ZBED1: variants seen among roughly 807,000 people sequenced by gnomAD.
The protein encoded by ZBED1 is zinc finger BED-type containing 1, also known as E3 SUMO-protein ligase ZBED1.
ZBED1 carries 19 observed loss-of-function variants against 49.7 expected under a neutral mutation model. That is an observed-to-expected ratio of 0.38 (90% confidence interval 0.27 to 0.56). The LOEUF is 0.56. Ranked by LOEUF, ZBED1 falls within the 20% of genes least tolerant of loss-of-function variation. ZBED1 has a pLI of 0.70. For missense variants in ZBED1, 806 were observed against 972.6 expected (o/e 0.83, Z 2.28); for synonymous variants, 439 against 440.3 (o/e 1.00, Z 0.04).
intron 1 of ZBED1, chrX:2,500,574 C>G (rs1394352220): frequency 5.5e-6 from 1 of 180,200 alleles, no homozygotes; most frequent in African/African-American, 2.4e-5. Flanking sequence ...AAGGGTCGGG[C>G]CGGGTCGGGC....
intron 1 of ZBED1, among the ~76,000 whole-genome samples, chrX:2,497,992 GACCCTCTT>G (rs1379266498): frequency 6.6e-6 from 1 of 152,168 alleles, no homozygotes; most frequent in East Asian, 1.9e-4. Flanking sequence ...CACAGAGACA[GACCCTCTT>G]ATGGGAATTC....
rs186131041 is a variant in ZBED1 at position 2,498,071 on chromosome X, T to G, written c.-54+2746A>C. On this transcript the variant is annotated intron_variant, in intron 1 of 1. Coordinates refer to ENST00000652001, the MANE Select transcript of ZBED1 (RefSeq NM_001171136.2). Reference sequence around the variant, plus strand: ...ACCAACATCTATGATTAATTTGTAATTATCTTGTTTTTCCATGATGAACTG... The same window carrying G: ...ACCAACATCTATGATTAATTTGTAAGTATCTTGTTTTTCCATGATGAACTG... 3.9e-5 allele frequency among the ~76,000 whole-genome samples: 6 copies of G among 152,282 alleles called. No individual in the cohort carries two copies. The East Asian group carries it at 1.2e-3, about 29-fold the overall frequency.
chrX:2,489,382 C>T lies in ZBED1; in HGVS notation c.1338G>A (p.Met446Ile). 6.2e-7 allele frequency: 1 copy of T among 1,613,970 alleles called. No individual in the cohort carries two copies. ...GCTCCTTGGCGATGACCTCCTTGGCCATGCTGAGCTCCTTGGAGTCGGTCT... is the reference window on the plus strand; with the variant it reads ...GCTCCTTGGCGATGACCTCCTTGGCTATGCTGAGCTCCTTGGAGTCGGTCT... Reference protein sequence around the residue: ...IKETDSKELSMAKEVIAKELS... With the variant: ...IKETDSKELSIAKEVIAKELS... The change falls in exon 2 of 2, where the codon ATG (methionine) becomes ATA (isoleucine). Residue 446 changes from methionine to isoleucine, a missense_variant. Around this residue, in one of 2 missense-constraint regions of ZBED1, gnomAD observed 749 missense variants for 861.3 expected, o/e 0.87. Transcript: ENST00000652001.
chrX:2,489,624 CCTT>C lies in ZBED1; in HGVS notation c.1093_1095del (p.Lys365del). 4 of 1,612,646 alleles carry C rather than the reference CCTT, an allele frequency of 2.5e-6. No homozygotes were observed. Among genetic ancestry groups the C allele is most frequent in the South Asian group, 1.1e-5 (1 of 90,986 alleles). On this transcript the variant is annotated inframe_deletion, in exon 2 of 2. Coordinates refer to ENST00000652001, the MANE Select transcript of ZBED1 (RefSeq NM_001171136.2). The stretch of plus-strand genomic sequence containing the variant: ...ACCCCGGCGATGACGAACTGCTGCT[CCTT>C]GAGGCGCTGCAGCATGGCCAGCGTG...
At position 2,490,468 on chromosome X, in the gene ZBED1, C is replaced by T; in HGVS notation, c.252G>A (p.Glu84=). 6.2e-7 allele frequency: 1 copy of T among 1,613,988 alleles called. No individual in the cohort carries two copies. Among genetic ancestry groups the T allele is most frequent in the Non-Finnish European group, 8.5e-7 (1 of 1,179,882 alleles). The part of the protein sequence containing the change: ...EFCEFVKSNT[E]QMREAFATAF... ...CGGTGGCGAAGGCTTCACGCATCTG[C>T]TCCGTGTTGCTCTTGACGAACTCGC... Residue 84 remains glutamate (E), a synonymous_variant, in exon 2 of 2, where the codon GAG becomes GAA. Transcript: ENST00000652001.
In ZBED1 at chrX:2,487,255, T is replaced by C. The variant is rs1463400692; in HGVS notation, c.*1380A>G. On this transcript the variant is annotated 3_prime_UTR_variant, in exon 2 of 2. Transcript: ENST00000652001. ...TTTAAAAGAGAAGAATCAAGAGTCC[T>C]TTCCGGTAATCAAATCAAAAACACC... is the stretch of plus-strand genomic sequence containing the variant. 6.6e-6 allele frequency: 1 copy of C among 152,242 alleles called. No homozygotes were observed. Among genetic ancestry groups the C allele is most frequent in the Non-Finnish European group, 1.5e-5 (1 of 68,042 alleles). 9.4% of individuals were successfully genotyped at this position (152,242 alleles called of 1,614,324 possible).
intron 1 of ZBED1, among the ~76,000 whole-genome samples, chrX:2,492,597 C>G (rs183077022): frequency 4.6e-5 from 7 of 151,400 alleles, no homozygotes; most frequent in African/African-American, 9.7e-5. Flanking sequence ...TTTGAGTGAG[C>G]CCTAAATGCA....
chrX:2,500,737 A>T, intron 1 of ZBED1, 80 bp downstream of exon 1: 1 of 551,758 alleles, frequency 1.8e-6, no homozygotes, highest in Non-Finnish European at 2.3e-6. Flanking sequence ...GGTCACGCGG[A>T]GCCCCCGCGC....
chrX:2,500,831 C>T lies in ZBED1; in HGVS notation c.-68G>A. ...GCCCCGCTGACCTGGCTCCAGGAAGCCCCCGCGGCAGCGCCGCAGCAGCTG... is the reference window on the plus strand; with the variant it reads ...GCCCCGCTGACCTGGCTCCAGGAAGTCCCCGCGGCAGCGCCGCAGCAGCTG... On this transcript the variant is annotated 5_prime_UTR_variant, in exon 1 of 2. Coordinates refer to ENST00000652001, the MANE Select transcript of ZBED1 (RefSeq NM_001171136.2). The T allele has an allele frequency of 8.8e-7, 1 of 1,139,508 alleles. No homozygotes were observed. The highest frequency in any genetic ancestry group is 1.1e-6 in the Non-Finnish European group (1 of 926,750). 70.6% of individuals were successfully genotyped at this position (1,139,508 alleles called of 1,614,324 possible).
rs775074298 is a variant in ZBED1 at position 2,489,977 on chromosome X, G to A, written c.743C>T (p.Thr248Met). The change falls in exon 2 of 2, where the codon ACG becomes ATG. Residue 248 changes from threonine (T) to methionine (M), a missense_variant. This residue lies in a region of ZBED1 where 749 missense variants were observed against 861.3 expected (regional missense o/e 0.87). Coordinates refer to ENST00000652001, the MANE Select transcript of ZBED1 (RefSeq NM_001171136.2). ...VPEENTAETI[T>M]RVLYEVFIEW... is the part of the protein sequence containing the mutation. The stretch of plus-strand genomic sequence containing the variant: ...GATGAAGACCTCATAGAGCACTCGC[G>A]TGATGGTCTCCGCCGTGTTCTCTTC... 4.3e-6 allele frequency: 7 copies of A among 1,613,908 alleles called. No homozygotes were observed. The highest frequency in any genetic ancestry group is 5.9e-6 in the Non-Finnish European group (7 of 1,179,874).
Position 2,488,819 on chromosome X carries a change from T to C in ZBED1, c.1901A>G (p.Asn634Ser), listed in dbSNP as rs1454566281. The C allele has an allele frequency of 6.2e-7, 1 of 1,613,886 alleles. No individual in the cohort carries two copies. Among genetic ancestry groups the C allele is most frequent in the Admixed American group, 1.7e-5 (1 of 60,020 alleles). Reference protein sequence around the residue: ...SAANVVSAKRNRLAPAHVDEQ... With the variant: ...SAANVVSAKRSRLAPAHVDEQ... ...GTCCACGTGCGCGGGAGCCAGCCGG[T>C]TCCTCTTGGCGCTGACCACGTTGGC... The change falls in exon 2 of 2, where the codon AAC becomes AGC. Residue 634 changes from asparagine (N) to serine (S), a missense_variant. Transcript: ENST00000652001.
chrX:2,492,350 G>A lies in ZBED1; in HGVS notation c.-53-1578C>T, dbSNP rs1158238691. ...CACATGGAGACAGAGGCCGAGACTG[G>A]AGTGATGCGGCCACAAACCCAGAAC... On this transcript the variant is annotated intron_variant, in intron 1 of 1. Transcript: ENST00000652001. 5.3e-5 allele frequency among the ~76,000 whole-genome samples: 8 copies of A among 152,214 alleles called. No homozygotes were observed. The South Asian group carries it at 1.2e-3, about 24-fold the overall frequency.
chrX:2,500,962 C>T lies in ZBED1; in HGVS notation c.-199G>A. 1 of 997,390 alleles carries T rather than the reference C, an allele frequency of 1.0e-6. No individual in the cohort carries two copies. The highest frequency in any genetic ancestry group is 1.2e-6 in the Non-Finnish European group (1 of 832,718). The allele number at this position is 997,390 out of a possible 1,614,324, so 61.8% of individuals were successfully genotyped here. On this transcript the variant is annotated 5_prime_UTR_variant, in exon 1 of 2. Transcript: ENST00000652001. Reference sequence around the variant, plus strand: ...CCGCGCCGCCGCCGCTTCCGCGCCGCCCGCGGGACTCTGCGCCCGCCCGCC... The same window carrying T: ...CCGCGCCGCCGCCGCTTCCGCGCCGTCCGCGGGACTCTGCGCCCGCCCGCC...
At chrX:2,492,028 A>C (rs1004679240) in intron 1 of ZBED1, among the ~76,000 whole-genome samples, 1 of 152,188 alleles carries the variant, frequency 6.6e-6, no homozygotes, top group Admixed American at 6.5e-5. Flanking sequence ...AGGAGGGTAA[A>C]TATCAAAATG....
rs1054612297 is a variant in ZBED1, at chrX:2,488,864, T to C, written c.1856A>G (p.Glu619Gly). The C allele has an allele frequency of 1.2e-6, 2 of 1,613,324 alleles. No homozygotes were observed. The highest frequency in any genetic ancestry group is 1.3e-5 in the African/African-American group (1 of 75,042). ...WCVTATRVAP[E>G]RLFGSAANVV... ...GTTGGCGGCGGATCCGAAGAGACGC[T>C]CAGGGGCGACGCGCGTGGCCGTCAC... The change falls in exon 2 of 2, where the codon GAG becomes GGG. Residue 619 changes from glutamate to glycine, a missense_variant. This residue lies in a region of ZBED1 where 749 missense variants were observed against 861.3 expected (regional missense o/e 0.87). Coordinates refer to ENST00000652001, the MANE Select transcript of ZBED1 (RefSeq NM_001171136.2).
rs763954613 is a variant in ZBED1, at chrX:2,488,653, C to T, written c.2067G>A (p.Arg689=). ...DGVSGGFFGI[R]DSSFL is the part of the protein sequence containing the mutation. ...TTCCTCGCTACAGGAAGCTGCTGTC[C>T]CTAATGCCAAAGAAACCGCCGCTGA... The change falls in exon 2 of 2, where the codon AGG becomes AGA. Residue 689 remains arginine (R), a synonymous_variant. Transcript: ENST00000652001. 1.2e-6 allele frequency: 2 copies of T among 1,609,122 alleles called. No homozygotes were observed. Among genetic ancestry groups the T allele is most frequent in the East Asian group, 4.5e-5 (2 of 44,834 alleles).
At chrX:2,496,131 G>A (rs1483113728) in intron 1 of ZBED1, among the ~76,000 whole-genome samples, 1 of 152,220 alleles carries the variant, frequency 6.6e-6, no homozygotes, top group African/African-American at 2.4e-5. Flanking sequence ...GCGTGGTGGC[G>A]ATAGTTAATA....
At chrX:2,495,641 G>A (rs1159726856) in intron 1 of ZBED1, among the ~76,000 whole-genome samples, 1 of 150,956 alleles carries the variant, frequency 6.6e-6, no homozygotes, top group Admixed American at 6.7e-5. Flanking sequence ...ACCTTCTGCA[G>A]TGAGTACCCT....
At chrX:2,500,330 G>A (rs2045385357) in intron 1 of ZBED1, 1 of 187,810 alleles carries the variant, frequency 5.3e-6, no homozygotes, top group African/African-American at 2.3e-5. Flanking sequence ...GGTAGGGGTC[G>A]AGGTCCCTGG....
Sources: allele counts gnomAD v4.1 joint callset (sites outside exome capture counted in the v4.1 genomes callset), GRCh38; gene constraint gnomAD v4.1.1; regional missense constraint gnomAD v4.1.1; transcripts MANE v1.5; gene names NCBI Gene and HGNC (gene_info 2026-07-23, HGNC 2026-07-21).